SDK1: variants seen among roughly 807,000 people sequenced by gnomAD.
SDK1 encodes the protein protein sidekick-1.
Under a neutral mutation model 245.5 loss-of-function variants are expected in SDK1, and 157 were observed. The ratio of observed to expected loss-of-function variants is 0.64; its 90% confidence interval spans 0.56 to 0.73. SDK1 has a LOEUF of 0.73. Among genes scored for constraint, SDK1 ranks in the 30% least tolerant of loss-of-function variants. The probability of loss-of-function intolerance (pLI) is 0.00; values close to 1 mark genes in which losing one functional copy is unlikely to be tolerated. For missense variants in SDK1, 3,583 were observed against 3,002.3 expected, an observed-to-expected ratio of 1.19 and a Z score of -4.52; for synonymous variants, 1,647 against 1,278.5, an observed-to-expected ratio of 1.29 and a Z score of -6.15.
intron 4 of SDK1, among the ~76,000 whole-genome samples, chr7:3,761,813 T>C (rs942394785): frequency 9.2e-5 from 14 of 152,082 alleles, no homozygotes; most frequent in African/African-American, 3.4e-4. Context: ...ACAAAAATCA[T>C]AAGAATAATA....
At chr7:3,879,907 G>A (rs954269811) in intron 5 of SDK1, among the ~76,000 whole-genome samples, 3 of 152,058 alleles carry the variant, frequency 2.0e-5, no homozygotes, top group African/African-American at 7.3e-5. Context: ...TGTGGCAGGC[G>A]GCGTATGCTA....
At chr7:4,081,067 T>C (rs1183952371) in intron 22 of SDK1, among the ~76,000 whole-genome samples, 1 of 152,196 alleles carries the variant, frequency 6.6e-6, no homozygotes, top group Non-Finnish European at 1.5e-5. Context: ...CTGTGGTCTT[T>C]GGTGTCTGAC....
chr7:3,537,359 G>T (rs569492883), intron 1 of SDK1, among the ~76,000 whole-genome samples: 1 of 152,262 alleles, frequency 6.6e-6, no homozygotes, highest in Admixed American at 6.5e-5. Flanking sequence ...GGAAGTGCTA[G>T]AGCCAGGGCC....
intron 5 of SDK1, among the ~76,000 whole-genome samples, chr7:3,904,120 G>C (rs1781885002): frequency 6.6e-6 from 1 of 152,158 alleles, no homozygotes. Context: ...ACACAAAACA[G>C]ACTGAGATGT....
At chr7:3,612,617 C>T (rs936321603) in intron 1 of SDK1, among the ~76,000 whole-genome samples, 3 of 152,122 alleles carry the variant, frequency 2.0e-5, no homozygotes, top group Admixed American at 6.5e-5. Flanking sequence ...AAACTTTTCG[C>T]TCATGGTAAA....
intron 35 of SDK1, among the ~76,000 whole-genome samples, chr7:4,189,548 G>C (rs1220603472): frequency 6.6e-6 from 1 of 152,154 alleles, no homozygotes; most frequent in African/African-American, 2.4e-5. Flanking sequence ...CCCATGCTCA[G>C]CATTTAAAAT....
At chr7:3,825,499 T>C (rs1779749353) in intron 5 of SDK1, among the ~76,000 whole-genome samples, 1 of 152,164 alleles carries the variant, frequency 6.6e-6, no homozygotes, top group South Asian at 2.1e-4. Flanking sequence ...TAAAAAGAAA[T>C]GACTGCCTCT....
intron 5 of SDK1, among the ~76,000 whole-genome samples, chr7:3,823,952 GTT>G (rs5882006): frequency 3.0e-4 from 41 of 134,992 alleles, no homozygotes; most frequent in Admixed American, 1.3e-3. Context: ...GTTTTTTTGT[GTT>G]TTTTTTTTTT....
rs985818757 is a variant in SDK1, at chr7:3,361,910, G to A, written c.298+60026G>A. ...GGCAATTTTTTAAAATATCTTTTAA[G>A]TACTATATATCTAAGAGCAGATTAC... On this transcript the variant is annotated intron_variant, in intron 1 of 44. Transcript: ENST00000404826. 3.3e-5 allele frequency among the ~76,000 whole-genome samples: 5 copies of A among 152,184 alleles called. No homozygotes were observed. The South Asian group carries it at 1.0e-3, about 32-fold the overall frequency.
intron 17 of SDK1, among the ~76,000 whole-genome samples, chr7:4,018,824 G>A (rs368408415): frequency 3.9e-5 from 6 of 152,246 alleles, no homozygotes; most frequent in East Asian, 3.9e-4. Context: ...CATTAGGGGC[G>A]GAATCTGTGC....
chr7:3,513,783 G>A (rs1480470083), intron 1 of SDK1, among the ~76,000 whole-genome samples: 1 of 152,070 alleles, frequency 6.6e-6, no homozygotes, highest in African/African-American at 2.4e-5. Context: ...TTTCAGTCTA[G>A]TCCCACCCAC....
intron 30 of SDK1, among the ~76,000 whole-genome samples, chr7:4,150,093 C>T (rs1019634245): frequency 1.3e-5 from 2 of 152,138 alleles, no homozygotes; most frequent in Non-Finnish European, 2.9e-5. Context: ...CTGCGGTTTA[C>T]AGACCCACCC....
At chr7:3,633,822 C>T (rs112375001) in intron 2 of SDK1, among the ~76,000 whole-genome samples, 1 of 152,046 alleles carries the variant, frequency 6.6e-6, no homozygotes, top group African/African-American at 2.4e-5. Flanking sequence ...TAGAATCAGC[C>T]TGGAGATTGG....
At chr7:3,844,836 G>T (rs1780237963) in intron 5 of SDK1, among the ~76,000 whole-genome samples, 1 of 152,160 alleles carries the variant, frequency 6.6e-6, no homozygotes, top group Non-Finnish European at 1.5e-5. Flanking sequence ...TTTATCAAAT[G>T]TGCAGTTTGG....
chr7:3,891,267 G>A (rs1450272203), intron 5 of SDK1, among the ~76,000 whole-genome samples: 1 of 152,094 alleles, frequency 6.6e-6, no homozygotes, highest in African/African-American at 2.4e-5. Flanking sequence ...CCTCAGTCGT[G>A]CTCCCGGGGA....
At chr7:3,623,958 G>A (rs1408388495) in intron 2 of SDK1, among the ~76,000 whole-genome samples, 1 of 152,066 alleles carries the variant, frequency 6.6e-6, no homozygotes, top group East Asian at 1.9e-4. Context: ...TAAGGGAAAG[G>A]TTATTTTTTT....
chr7:3,412,877 C>G (rs922436433), intron 1 of SDK1, among the ~76,000 whole-genome samples: 62 of 152,134 alleles, frequency 4.1e-4, no homozygotes, highest in African/African-American at 1.4e-3. Context: ...AACCTAATGA[C>G]CAGTTGAGAT....
intron 1 of SDK1, among the ~76,000 whole-genome samples, chr7:3,361,598 T>A (rs1248063409): frequency 6.6e-6 from 1 of 152,232 alleles, no homozygotes; most frequent in Non-Finnish European, 1.5e-5. Flanking sequence ...ATTTTTTAAT[T>A]GTTTCTAAAT....
In SDK1 at chr7:4,117,412, G is replaced by A. The variant is rs562944070; in HGVS notation, c.3823+3138G>A. On this transcript the variant is annotated intron_variant, in intron 25 of 44. Coordinates refer to ENST00000404826, the MANE Select transcript of SDK1 (RefSeq NM_152744.4). ...GGGCCTGGGAGTTTGAGGCTGCACT[G>A]AGCTATGATCGCACCACTGCATTCC... Among the ~76,000 whole-genome samples the A allele has an allele frequency of 1.4e-3, 220 of 152,312 alleles. 3 individuals are homozygous for A. Among genetic ancestry groups the A allele is most frequent in the African/African-American group, 5.1e-3 (214 of 41,558 alleles).
Sources: gnomAD v4.1 joint callset for allele counts (sites outside exome capture counted in the v4.1 genomes callset) on GRCh38, gnomAD v4.1.1 for gene constraint, MANE v1.5 for transcripts, NCBI Gene and HGNC (gene_info 2026-07-23, HGNC 2026-07-21) for gene names.